PIWIL2: variants seen among roughly 807,000 people sequenced by gnomAD.
PIWIL2 encodes piwi-like protein 2.
A neutral mutation model predicts 116.5 loss-of-function variants in PIWIL2; 81 were observed. That is an observed-to-expected ratio of 0.70 (90% CI 0.58 to 0.84). PIWIL2 has a LOEUF of 0.84. PIWIL2 is among the 40% of genes least tolerant of loss of function. The probability of loss-of-function intolerance (pLI) is 0.00; values close to 1 mark genes in which losing one functional copy is unlikely to be tolerated. For synonymous variants in PIWIL2, 489 were observed against 429.5 expected, an observed-to-expected ratio of 1.14 and a Z score of -1.71; for missense variants, 1,272 against 1,212.3, an observed-to-expected ratio of 1.05 and a Z score of -0.73.
intron 5 of PIWIL2, 49 bp from the exon 6 acceptor site, chr8:22,284,112 TG>T: frequency 1.1e-6 from 1 of 947,216 alleles, no homozygotes. Context: ...TTAGTTATTT[TG>T]TTTTTTTGTT....
intron 18 of PIWIL2, 106 bp from the exon 19 acceptor site, chr8:22,316,139 A>G (rs946600685): frequency 3.0e-5 from 20 of 666,988 alleles, no homozygotes; most frequent in Non-Finnish European, 4.6e-5. Flanking sequence ...ACTTTCATGT[A>G]TAAACAGTAA....
At chr8:22,294,899 GGAAAAAAAAAAAAAAAAA>G (rs1830858524) in intron 10 of PIWIL2, among the ~76,000 whole-genome samples, 1 of 79,452 alleles carries the variant, frequency 1.3e-5, no homozygotes, top group South Asian at 4.3e-4. Flanking sequence ...CATCTTTACT[GGAAAAAAAAAAAAAAAAA>G]AAAAAAAAAA....
At chr8:22,310,095 T>C (rs1831291253) in intron 15 of PIWIL2, 21 bp downstream of exon 15, 1 of 1,265,820 alleles carries the variant, frequency 7.9e-7, no homozygotes, top group Non-Finnish European at 1.2e-6. Context: ...TTTGAAGTGA[T>C]AAAGAGAGGA....
chr8:22,290,029 T>A, intron 9 of PIWIL2, 102 bp downstream of exon 9: 1 of 799,214 alleles, frequency 1.3e-6, no homozygotes, highest in Non-Finnish European at 2.1e-6. Context: ...TAGTTTATGG[T>A]AGTGAATACA....
rs145269150 is a variant in PIWIL2, at chr8:22,318,681, G to C, written c.2403+406G>C. On this transcript the variant is annotated intron_variant, in intron 20 of 22. Transcript: ENST00000356766. ...TTACAGGAAGTCTGATGTGGTGAGA[G>C]GGATCTCAAATCAAAGGTGAGTCTC... is the stretch of plus-strand genomic sequence containing the variant. Among the ~76,000 whole-genome samples the C allele has an allele frequency of 1.2e-3, 188 of 152,316 alleles. 2 individuals are homozygous for C. Among genetic ancestry groups the C allele is most frequent in the Admixed American group, 4.1e-3 (62 of 15,286 alleles).
intron 10 of PIWIL2, among the ~76,000 whole-genome samples, chr8:22,294,900 GAAAAAAAAAAAAAA>G (rs57742067): frequency 6.4e-4 from 60 of 93,650 alleles, no homozygotes; most frequent in African/African-American, 1.7e-3. Flanking sequence ...ATCTTTACTG[GAAAAAAAAAAAAAA>G]AAAAAAAAAA....
intron 20 of PIWIL2, among the ~76,000 whole-genome samples, chr8:22,326,719 C>T (rs1201321814): frequency 6.6e-6 from 1 of 152,118 alleles, no homozygotes; most frequent in Non-Finnish European, 1.5e-5. Flanking sequence ...ATTTATTCCA[C>T]GATTTGTTGA....
At position 22,314,351 on chromosome 8, in the gene PIWIL2, C is replaced by T; in HGVS notation, c.2013C>T (p.Cys671=). Residue 671 remains cysteine, a synonymous_variant, in exon 17 of 23, where the codon TGC becomes TGT. Transcript: ENST00000356766. The part of the protein sequence containing the change: ...GAEGKIQMVV[C]IIMGPRDDLY... ...AGGGGAAGATACAGATGGTTGTTTG[C>T]ATCATCATGGGCCCACGTGATGATC... is the stretch of plus-strand genomic sequence containing the variant. 1 of 1,563,030 alleles carries T rather than the reference C, an allele frequency of 6.4e-7. No individual in the cohort carries two copies. Among genetic ancestry groups the T allele is most frequent in the Non-Finnish European group, 8.7e-7 (1 of 1,151,248 alleles).
chr8:22,302,243 G>A (rs1022304218), intron 10 of PIWIL2, among the ~76,000 whole-genome samples: 9 of 151,796 alleles, frequency 5.9e-5, no homozygotes, highest in East Asian at 1.9e-4. Context: ...GTGCAGTGGC[G>A]CGATCTTGGC....
Position 22,318,173 on chromosome 8 carries a change from C to T in PIWIL2, c.2301C>T (p.Thr767=). 1 of 1,605,648 alleles carries T rather than the reference C, an allele frequency of 6.2e-7. No individual in the cohort carries two copies. ...VVGFVASINL[T]LTKWYSRVVF... ...TCTCTGCTCACCCTGACCCTAGCAC[C>T]CTCACAAAATGGTATTCCCGGGTGG... The change falls in exon 20 of 23, where the codon ACC becomes ACT. Residue 767 remains threonine (T), a synonymous_variant. Transcript: ENST00000356766.
chr8:22,352,804 C>CT (rs372573505), intron 20 of PIWIL2, 155 bp from the exon 21 acceptor site: 182 of 668,518 alleles, frequency 2.7e-4, no homozygotes, highest in Non-Finnish European at 3.2e-4. Flanking sequence ...TGATTAGAAG[C>CT]TTTTTTTCCC....
intron 20 of PIWIL2, among the ~76,000 whole-genome samples, chr8:22,335,876 T>G (rs953275950): frequency 1.3e-5 from 2 of 152,144 alleles, no homozygotes; most frequent in African/African-American, 4.8e-5. Context: ...AAACAGACTT[T>G]TAGATAACAC....
chr8:22,281,549 A>G (rs1586531134), intron 4 of PIWIL2, 34 bp downstream of exon 4: 1 of 1,513,748 alleles, frequency 6.6e-7, no homozygotes, highest in South Asian at 1.3e-5. Flanking sequence ...TAACTATCAA[A>G]TTCAGATGGA....
intron 20 of PIWIL2, among the ~76,000 whole-genome samples, chr8:22,324,369 T>C (rs75326341): frequency 0.021 from 3,188 of 152,204 alleles, 110 homozygotes; most frequent in African/African-American, 0.072. Context: ...CTTTCCACTT[T>C]TGAAAGGGAC....
intron 20 of PIWIL2, among the ~76,000 whole-genome samples, chr8:22,345,393 G>A (rs1012994741): frequency 2.0e-5 from 3 of 152,218 alleles, no homozygotes; most frequent in Non-Finnish European, 4.4e-5. Context: ...AGGCGCAGTG[G>A]CTCACACCTA....
At chr8:22,342,848 C>G (rs961271794) in intron 20 of PIWIL2, among the ~76,000 whole-genome samples, 1 of 152,042 alleles carries the variant, frequency 6.6e-6, no homozygotes, top group African/African-American at 2.4e-5. Flanking sequence ...GAAATATTTG[C>G]AAAACACGTA....
chr8:22,316,209 C>G, intron 18 of PIWIL2, 36 bp from the exon 19 acceptor site: 1 of 1,327,496 alleles, frequency 7.5e-7, no homozygotes, highest in Non-Finnish European at 1.1e-6. Flanking sequence ...TTGCTCAGGT[C>G]TGGGGTTTGG....
At chr8:22,319,587 T>C (rs1831547068) in intron 20 of PIWIL2, among the ~76,000 whole-genome samples, 1 of 152,216 alleles carries the variant, frequency 6.6e-6, no homozygotes, top group Non-Finnish European at 1.5e-5. Flanking sequence ...ATGTAGCAAA[T>C]TACCCTGAAA....
At chr8:22,317,119 C>G (rs7013026) in intron 19 of PIWIL2, among the ~76,000 whole-genome samples, 4 of 152,184 alleles carry the variant, frequency 2.6e-5, no homozygotes, top group Non-Finnish European at 5.9e-5. Flanking sequence ...TGTGAATGTG[C>G]TTCCCAGCTG....
Sources: gnomAD v4.1 joint callset for allele counts (sites outside exome capture counted in the v4.1 genomes callset) on GRCh38, gnomAD v4.1.1 for gene constraint, MANE v1.5 for transcripts, NCBI Gene and HGNC (gene_info 2026-07-23, HGNC 2026-07-21) for gene names.